SLC25A53: variants seen among roughly 807,000 people sequenced by gnomAD.
SLC25A53 encodes the protein mitochondrial carrier triple repeat protein 6.
A neutral mutation model predicts 15.0 loss-of-function variants in SLC25A53; 5 were observed. That is an observed-to-expected ratio of 0.33 (90% CI 0.17 to 0.70). The LOEUF is 0.70. Ranked by LOEUF, SLC25A53 falls within the 30% of genes least tolerant of loss-of-function variation. The pLI, the probability that SLC25A53 is intolerant of heterozygous loss-of-function variation, is 0.67. For missense variants in SLC25A53, 216 were observed against 241.6 expected, an observed-to-expected ratio of 0.89 and a Z score of 0.70; for synonymous variants, 95 against 100.0, an observed-to-expected ratio of 0.95 and a Z score of 0.30.
In SLC25A53 at chrX:104,100,076, T is replaced by C. The variant is rs1462268927; in HGVS notation, c.*4258A>G. 2 of 112,096 alleles carry C rather than the reference T, an allele frequency of 1.8e-5. No homozygotes were observed. The highest frequency in any genetic ancestry group is 6.5e-5 in the African/African-American group (2 of 30,881). The allele number at this position is 112,096 out of a possible 1,213,427, so 9.2% of individuals were successfully genotyped here. A position where few individuals can be genotyped will look rare whatever the true frequency, so the allele number is the denominator to read the frequency against. The stretch of plus-strand genomic sequence containing the variant: ...TATGCTTTTTCTCTCATATGCAACG[T>C]CATTTTATTAACTTTAATATACTAC... On this transcript the variant is annotated 3_prime_UTR_variant, in exon 2 of 2. Transcript: ENST00000594199.
At chrX:104,106,360 G>A (rs1556356139) in intron 1 of SLC25A53, among the ~76,000 whole-genome samples, 1 of 111,428 alleles carries the variant, frequency 9.0e-6, no homozygotes, top group Non-Finnish European at 1.9e-5. Flanking sequence ...GAGGAAAGAG[G>A]GGGTCCCTGG....
intron 1 of SLC25A53, among the ~76,000 whole-genome samples, chrX:104,125,747 C>T (rs2075409098): frequency 9.0e-6 from 1 of 111,684 alleles, no homozygotes; most frequent in Admixed American, 9.5e-5. Flanking sequence ...GCTGTCACCA[C>T]AAATGAGGAC....
intron 1 of SLC25A53, among the ~76,000 whole-genome samples, chrX:104,124,247 T>C (rs996845530): frequency 4.5e-5 from 5 of 112,160 alleles, no homozygotes; most frequent in African/African-American, 6.5e-5. Context: ...TTTTTAATGA[T>C]TGCCATTCTA....
chrX:104,144,988 C>A (rs2075461925), intron 1 of SLC25A53, among the ~76,000 whole-genome samples: 1 of 111,887 alleles, frequency 8.9e-6, no homozygotes, highest in African/African-American at 3.3e-5. Flanking sequence ...AACTCTCCAC[C>A]CCAAATCAAC....
At chrX:104,156,823 C>T (rs2075502965) in intron 1 of SLC25A53, 55 bp downstream of exon 1, 1 of 111,755 alleles carries the variant, frequency 8.9e-6, no homozygotes, top group Non-Finnish European at 1.9e-5. Flanking sequence ...CGTTTGCCTG[C>T]TAGGCTGGAA....
rs981032588 is a variant in SLC25A53 at position 104,119,791 on chromosome X, G to C, written c.-31-14503C>G. On this transcript the variant is annotated intron_variant, in intron 1 of 1. Coordinates refer to ENST00000594199, the MANE Select transcript of SLC25A53 (RefSeq NM_001012755.5). The stretch of plus-strand genomic sequence containing the variant: ...AAAGATCAAGAAACAGAACAGATCA[G>C]AACTCCAGAAATTCCCATAAGTCCT... 1.1e-4 allele frequency among the ~76,000 whole-genome samples: 12 copies of C among 111,559 alleles called. No homozygotes were observed. In the South Asian group the frequency reaches 4.5e-3, roughly 42 times the overall value.
At chrX:104,153,274 T>C (rs933424549) in intron 1 of SLC25A53, among the ~76,000 whole-genome samples, 2 of 106,312 alleles carry the variant, frequency 1.9e-5, no homozygotes, top group Non-Finnish European at 3.9e-5. Context: ...TTTTTTTTTC[T>C]CATATGGAAA....
chrX:104,156,695 G>C (rs1489289771), intron 1 of SLC25A53, among the ~76,000 whole-genome samples, 183 bp downstream of exon 1: 1 of 109,307 alleles, frequency 9.1e-6, no homozygotes, highest in Admixed American at 9.7e-5. Flanking sequence ...CAACACAGTT[G>C]ACACGCCCCT....
intron 1 of SLC25A53, among the ~76,000 whole-genome samples, chrX:104,146,544 T>C (rs1556368977): frequency 8.9e-6 from 1 of 111,921 alleles, no homozygotes; most frequent in East Asian, 2.8e-4. Context: ...CATGATTGTA[T>C]ATCTAGAAAA....
intron 1 of SLC25A53, among the ~76,000 whole-genome samples, chrX:104,120,656 C>T (rs1556362536): frequency 9.0e-6 from 1 of 111,626 alleles, no homozygotes; most frequent in East Asian, 2.8e-4. Context: ...TTCTTCTTTC[C>T]CAATCCATAT....
At chrX:104,112,968 G>A (rs1381168359) in intron 1 of SLC25A53, 2 of 102,746 alleles carry the variant, frequency 1.9e-5, no homozygotes, top group African/African-American at 3.6e-5. Context: ...GGATGCTGCC[G>A]ACTGGATAGG....
chrX:104,153,807 C>T (rs2075492594), intron 1 of SLC25A53, among the ~76,000 whole-genome samples: 1 of 111,750 alleles, frequency 8.9e-6, no homozygotes, highest in Non-Finnish European at 1.9e-5. Flanking sequence ...GACCTTTGCT[C>T]GACCATCCAA....
intron 1 of SLC25A53, among the ~76,000 whole-genome samples, chrX:104,130,095 G>C (rs1199531843): frequency 9.0e-6 from 1 of 111,062 alleles, no homozygotes; most frequent in Non-Finnish European, 1.9e-5. Flanking sequence ...AGCTGTCAAA[G>C]GTGAAGTTCA....
intron 1 of SLC25A53, among the ~76,000 whole-genome samples, chrX:104,152,994 T>C (rs1396552667): frequency 9.0e-6 from 1 of 111,378 alleles, no homozygotes; most frequent in Non-Finnish European, 1.9e-5. Context: ...TTCAGGGTCA[T>C]GGGAGGGGGT....
chrX:104,155,246 C>T (rs1163479060), intron 1 of SLC25A53, among the ~76,000 whole-genome samples: 1 of 109,291 alleles, frequency 9.1e-6, no homozygotes, highest in Admixed American at 9.8e-5. Context: ...GCAACCTCTG[C>T]CTCCCGGGTT....
intron 1 of SLC25A53, among the ~76,000 whole-genome samples, chrX:104,121,391 A>G (rs782018950): frequency 5.4e-5 from 6 of 111,915 alleles, no homozygotes; most frequent in Non-Finnish European, 1.1e-4. Flanking sequence ...ATCCTTATTC[A>G]CATACAGGTT....
intron 1 of SLC25A53, among the ~76,000 whole-genome samples, chrX:104,152,430 G>A (rs1160460875): frequency 3.7e-5 from 4 of 109,484 alleles, no homozygotes; most frequent in Admixed American, 2.0e-4. Flanking sequence ...TGGCTGCATA[G>A]TATTCCATGG....
intron 1 of SLC25A53, among the ~76,000 whole-genome samples, chrX:104,117,313 TC>T (rs1412675755): frequency 9.3e-6 from 1 of 107,243 alleles, no homozygotes. Flanking sequence ...TTACCACCAC[TC>T]CCCTTCCCTG....
At position 104,100,906 on chromosome X, in the gene SLC25A53, A is replaced by G. The variant is rs1240545048; in HGVS notation, c.*3428T>C. On this transcript the variant is annotated 3_prime_UTR_variant, in exon 2 of 2. Coordinates refer to ENST00000594199, the MANE Select transcript of SLC25A53 (RefSeq NM_001012755.5). ...GCGAACACCAGCTGGGTGTACTCCA[A>G]TTCCATTCTGACACAATCTACCTGG... 3 of 111,267 alleles carry G rather than the reference A, an allele frequency of 2.7e-5. No individual in the cohort carries two copies. Among genetic ancestry groups the G allele is most frequent in the Non-Finnish European group, 5.7e-5 (3 of 53,090 alleles). The allele number at this position is 111,267 out of a possible 1,213,427, so 9.2% of individuals were successfully genotyped here.
Sources: gnomAD v4.1 joint callset for allele counts (sites outside exome capture counted in the v4.1 genomes callset) on GRCh38, gnomAD v4.1.1 for gene constraint, MANE v1.5 for transcripts, NCBI Gene and HGNC (gene_info 2026-07-23, HGNC 2026-07-21) for gene names.